SSX2IP: variants seen among roughly 807,000 people sequenced by gnomAD.
The protein encoded by SSX2IP is afadin- and alpha-actinin-binding protein.
In SSX2IP, 55 loss-of-function variants were observed where a neutral mutation model predicts 84.9. The ratio of observed to expected loss-of-function variants is 0.65; its 90% CI spans 0.52 to 0.81. The LOEUF (loss-of-function observed/expected upper bound fraction) is 0.81, where lower values mean the gene tolerates loss of function less well. Among genes scored for constraint, SSX2IP ranks in the 30% least tolerant of loss-of-function variants. SSX2IP has a pLI of 0.00. For synonymous variants in SSX2IP, 239 were observed against 234.7 expected, an observed-to-expected ratio of 1.02 and a Z score of -0.17; for missense variants, 664 against 705.2, an observed-to-expected ratio of 0.94 and a Z score of 0.66.
At chr1:84,684,502 C>T (rs1220878705) in intron 1 of SSX2IP, among the ~76,000 whole-genome samples, 1 of 152,102 alleles carries the variant, frequency 6.6e-6, no homozygotes, top group East Asian at 1.9e-4. Context: ...GGCTAAGCAG[C>T]TTATTAAACC....
Position 84,652,086 on chromosome 1 carries a change from GCT to G in SSX2IP, c.1390-91_1390-90del, listed in dbSNP as rs1315230165. The G allele has an allele frequency of 1.3e-5, 12 of 931,408 alleles. No homozygotes were observed. In the Admixed American group the frequency reaches 1.4e-4, roughly 11 times the overall value. 57.7% of individuals were successfully genotyped at this position (931,408 alleles called of 1,614,324 possible). On this transcript the variant is annotated intron_variant, in intron 11 of 13. Coordinates refer to ENST00000342203, the MANE Select transcript of SSX2IP (RefSeq NM_001166293.2). ...ATGATTGCTCTAGCTATCTTTGTTT[GCT>G]CTCTGGCTATCTATTCGTACTTCTT...
At chr1:84,666,948 C>G (rs1046966478) in intron 4 of SSX2IP, among the ~76,000 whole-genome samples, 1 of 152,034 alleles carries the variant, frequency 6.6e-6, no homozygotes, top group African/African-American at 2.4e-5. Context: ...ATGTCTTAAC[C>G]GACCATAAAT....
rs1226262944 is a variant in SSX2IP at position 84,676,717 on chromosome 1, TC to T, written c.-89-5410del. Among the ~76,000 whole-genome samples, 12 of 110,274 alleles carry T rather than the reference TC, an allele frequency of 1.1e-4. No individual in the cohort carries two copies. The Admixed American group carries it at 1.4e-3, about 13-fold the overall frequency. 72.3% of individuals were successfully genotyped at this position (110,274 alleles called of 152,430 possible). A position where few individuals can be genotyped will look rare whatever the true frequency, so the allele number is the denominator to read the frequency against. ...CTGATTTCAAGACTCTGTGCTCTTTTCCTTTTTTTTTTTTTTTTTTTTTGAA... is the reference window on the plus strand; with the variant it reads ...CTGATTTCAAGACTCTGTGCTCTTTTCTTTTTTTTTTTTTTTTTTTTTGAA... On this transcript the variant is annotated intron_variant, in intron 1 of 13. Coordinates refer to ENST00000342203, the MANE Select transcript of SSX2IP (RefSeq NM_001166293.2).
At chr1:84,656,083 G>A (rs2102246422) in intron 10 of SSX2IP, 78 bp from the exon 11 acceptor site, 2 of 1,317,162 alleles carry the variant, frequency 1.5e-6, no homozygotes, top group Non-Finnish European at 2.1e-6. Flanking sequence ...GCAAGGGAAG[G>A]CCAGTCAAAC....
At chr1:84,680,389 T>C (rs550665152) in intron 1 of SSX2IP, 2 of 152,292 alleles carry the variant, frequency 1.3e-5, no homozygotes, top group East Asian at 3.9e-4. Context: ...TTTCCTCATC[T>C]GCAAAAGGAG....
rs569433114 is a variant in SSX2IP at position 84,681,034 on chromosome 1, G to A, written c.-90+9337C>T. Among the ~76,000 whole-genome samples the A allele has an allele frequency of 2.7e-4, 29 of 106,530 alleles. No individual in the cohort carries two copies. The East Asian group carries it at 0.011, about 39-fold the overall frequency. 69.9% of individuals were successfully genotyped at this position (106,530 alleles called of 152,430 possible). A position where few individuals can be genotyped will look rare whatever the true frequency, so the allele number is the denominator to read the frequency against. On this transcript the variant is annotated intron_variant, in intron 1 of 13. Coordinates refer to ENST00000342203, the MANE Select transcript of SSX2IP (RefSeq NM_001166293.2). ...AATAAAACAGCAAGCAGTCTTGTTG[G>A]GCAAAAACTGGTTAGAAAATTATAC... is the stretch of plus-strand genomic sequence containing the variant.
In SSX2IP at chr1:84,669,677, C is replaced by T; in HGVS notation, c.426+4G>A. ...GCATTAAAATATGGATCTGCAATTTCTACCTTAAGTTTTGAGTAGCAGCTC... is the reference window on the plus strand; with the variant it reads ...GCATTAAAATATGGATCTGCAATTTTTACCTTAAGTTTTGAGTAGCAGCTC... On this transcript the variant is annotated splice_donor_region_variant and intron_variant, in intron 4 of 13. Transcript: ENST00000342203. 4 of 1,610,866 alleles carry T rather than the reference C, an allele frequency of 2.5e-6. No homozygotes were observed. Among genetic ancestry groups the T allele is most frequent in the Non-Finnish European group, 2.5e-6 (3 of 1,177,580 alleles).
chr1:84,676,013 T>C (rs915940979), intron 1 of SSX2IP, among the ~76,000 whole-genome samples: 1 of 152,224 alleles, frequency 6.6e-6, no homozygotes, highest in Non-Finnish European at 1.5e-5. Flanking sequence ...TGGACACATG[T>C]CGTCAGGTCC....
chr1:84,679,275 T>C lies in SSX2IP; in HGVS notation c.-89-7967A>G, dbSNP rs972378578. The stretch of plus-strand genomic sequence containing the variant: ...GTAGCTTTGAATTCCATTAGAAATA[T>C]CTCTGCACCTTAAAATTGTTCAGAT... On this transcript the variant is annotated intron_variant, in intron 1 of 13. Transcript: ENST00000342203. Among the ~76,000 whole-genome samples, 4 of 152,198 alleles carry C rather than the reference T, an allele frequency of 2.6e-5. No homozygotes were observed. The South Asian group carries it at 8.3e-4, about 31-fold the overall frequency.
intron 13 of SSX2IP, among the ~76,000 whole-genome samples, chr1:84,647,904 A>G (rs1364487543): frequency 2.6e-5 from 4 of 152,030 alleles, no homozygotes; most frequent in African/African-American, 9.7e-5. Context: ...TGGGAGTAGT[A>G]GTGCATGCCT....
chr1:84,685,968 A>G (rs1655724961), intron 1 of SSX2IP, among the ~76,000 whole-genome samples: 1 of 152,228 alleles, frequency 6.6e-6, no homozygotes. Flanking sequence ...TTAAGTATCT[A>G]CTTTACACTA....
In SSX2IP at chr1:84,669,834, C is replaced by CT. The variant is rs754207716; in HGVS notation, c.272dup (p.Arg92GlufsTer14). 6.2e-7 allele frequency: 1 copy of CT among 1,613,372 alleles called. No homozygotes were observed. Among genetic ancestry groups the CT allele is most frequent in the Non-Finnish European group, 8.5e-7 (1 of 1,179,620 alleles). Reference sequence around the variant, plus strand: ...GTACAGCTACTATATTTAACTCTCTCTTTGTCTCTTTACCTTTGGATTCTT... The same window carrying CT: ...GTACAGCTACTATATTTAACTCTCTCTTTTGTCTCTTTACCTTTGGATTCTT... On this transcript the variant is annotated frameshift_variant, in exon 4 of 14. Coordinates refer to ENST00000342203, the MANE Select transcript of SSX2IP (RefSeq NM_001166293.2). LOFTEE classifies it high-confidence loss of function.
At chr1:84,666,308 C>A in intron 4 of SSX2IP, 76 bp from the exon 5 acceptor site, 1 of 1,081,760 alleles carries the variant, frequency 9.2e-7, no homozygotes, top group South Asian at 1.4e-5. Flanking sequence ...ATATCAGTAA[C>A]AAGAAGTTAT....
At chr1:84,678,849 T>C (rs946513557) in intron 1 of SSX2IP, among the ~76,000 whole-genome samples, 1 of 152,218 alleles carries the variant, frequency 6.6e-6, no homozygotes, top group African/African-American at 2.4e-5. Context: ...TCAAGGTCAC[T>C]TGAAAGTCAA....
intron 6 of SSX2IP, among the ~76,000 whole-genome samples, chr1:84,664,021 C>T (rs910602773): frequency 1.3e-5 from 2 of 152,160 alleles, no homozygotes; most frequent in African/African-American, 4.8e-5. Context: ...TTTAAAGGAA[C>T]TCAAACTGAC....
intron 3 of SSX2IP, 116 bp downstream of exon 3, chr1:84,670,530 C>T: frequency 1.5e-6 from 1 of 656,720 alleles, no homozygotes; most frequent in Non-Finnish European, 2.4e-6. Context: ...AAATCTAAGT[C>T]TCAGGGGCAC....
At chr1:84,685,264 A>G (rs1655624224) in intron 1 of SSX2IP, among the ~76,000 whole-genome samples, 1 of 152,338 alleles carries the variant, frequency 6.6e-6, no homozygotes, top group African/African-American at 2.4e-5. Context: ...CAAAACCCAA[A>G]GCCAATGACC....
chr1:84,688,005 T>A (rs1432420147), intron 1 of SSX2IP, among the ~76,000 whole-genome samples: 1 of 152,256 alleles, frequency 6.6e-6, no homozygotes, highest in Non-Finnish European at 1.5e-5. Flanking sequence ...TGCCTCACTA[T>A]GCTGATAATT....
chr1:84,677,137 T>C (rs1234554457), intron 1 of SSX2IP, among the ~76,000 whole-genome samples: 2 of 152,226 alleles, frequency 1.3e-5, no homozygotes, highest in African/African-American at 4.8e-5. Flanking sequence ...ACTGTTTATT[T>C]AGAAGATTGT....
Sources: gnomAD v4.1 joint callset for allele counts (sites outside exome capture counted in the v4.1 genomes callset) on GRCh38, gnomAD v4.1.1 for gene constraint, MANE v1.5 for transcripts, NCBI Gene and HGNC (gene_info 2026-07-23, HGNC 2026-07-21) for gene names.